The following TRIML1 variants were observed in gnomAD, a reference collection of about 807,000 sequenced individuals.
TRIML1 encodes the protein probable E3 ubiquitin-protein ligase TRIML1.
Under a neutral mutation model 32.3 loss-of-function variants are expected in TRIML1, and 34 were observed. That is an observed-to-expected ratio of 1.05 (90% CI 0.80 to 1.40). The LOEUF (loss-of-function observed/expected upper bound fraction) is 1.40, where lower values mean the gene tolerates loss of function less well. Ranked by LOEUF, TRIML1 falls within the 40% of genes most tolerant of loss-of-function variation. The probability of loss-of-function intolerance (pLI) is 0.00; values close to 1 mark genes in which losing one functional copy is unlikely to be tolerated. For missense variants in TRIML1, 595 were observed against 574.9 expected (o/e 1.03, Z -0.36); for synonymous variants, 244 against 226.6 (o/e 1.08, Z -0.69).
downstream of TRIML1, among the ~76,000 whole-genome samples, chr4:188,149,906 G>A (rs762289975): frequency 2.6e-5 from 4 of 152,120 alleles, no homozygotes; most frequent in Non-Finnish European, 1.5e-5. Context: ...GGGTTCAAAC[G>A]ATTCTCCTGC....
intron 1 of TRIML1, 122 bp downstream of exon 1, chr4:188,140,088 C>A (rs1734796141): frequency 2.0e-6 from 2 of 1,023,898 alleles, no homozygotes; most frequent in Non-Finnish European, 2.8e-6. Flanking sequence ...CACCACATCA[C>A]AAACTGGCGT....
At position 188,142,334 on chromosome 4, in the gene TRIML1, A is replaced by C. The variant is rs1734892647; in HGVS notation, c.587A>C (p.Gln196Pro). 2 of 1,613,370 alleles carry C rather than the reference A, an allele frequency of 1.2e-6. No homozygotes were observed. The highest frequency in any genetic ancestry group is 2.2e-5 in the South Asian group (2 of 91,042). Residue 196 changes from glutamine (Q) to proline (P), a missense_variant, in exon 3 of 6, where the codon CAA becomes CCA. By Grantham distance (76) the Gln-to-Pro change is moderately conservative. Transcript: ENST00000332517. Reference protein sequence around the residue: ...HQFLKEEEQLQLQLLEQEEKE... With the variant: ...HQFLKEEEQLPLQLLEQEEKE... Reference sequence around the variant, plus strand: ...TTCCTGAAGGAAGAGGAGCAGCTGCAACTCCAGCTACTAGAACAGGAAGAG... The same window carrying C: ...TTCCTGAAGGAAGAGGAGCAGCTGCCACTCCAGCTACTAGAACAGGAAGAG...
intron 5 of TRIML1, among the ~76,000 whole-genome samples, chr4:188,145,570 C>A (rs991715959): frequency 1.1e-4 from 17 of 150,694 alleles, no homozygotes; most frequent in Non-Finnish European, 2.4e-4. Flanking sequence ...TGCCTGTAAT[C>A]CCAGCACTTT....
At chr4:188,144,920 C>T (rs1466534728) in intron 5 of TRIML1, among the ~76,000 whole-genome samples, 1 of 152,114 alleles carries the variant, frequency 6.6e-6, no homozygotes, top group Non-Finnish European at 1.5e-5. Context: ...ACAATCTGAC[C>T]TTCAGAGGAA....
chr4:188,150,658 C>A (rs533556577), downstream of TRIML1, among the ~76,000 whole-genome samples: 1 of 151,550 alleles, frequency 6.6e-6, no homozygotes, highest in Non-Finnish European at 1.5e-5. Context: ...CTTCTTTGTC[C>A]CAAAGTGGTA....
chr4:188,138,019 ATGATGCCACCC>A (rs987213963), upstream of TRIML1, among the ~76,000 whole-genome samples: 3 of 150,096 alleles, frequency 2.0e-5, no homozygotes, highest in Admixed American at 6.8e-5. Context: ...TAGAGGTTTC[ATGATGCCACCC>A]TGATGCCACC....
At position 188,147,501 on chromosome 4, in the gene TRIML1, C is replaced by T. The variant is rs528654871; in HGVS notation, c.*129C>T. 3.6e-5 allele frequency: 25 copies of T among 692,298 alleles called. No individual in the cohort carries two copies. The South Asian group carries it at 1.3e-3, about 36-fold the overall frequency. 42.9% of individuals were successfully genotyped at this position (692,298 alleles called of 1,614,324 possible). A position where few individuals can be genotyped will look rare whatever the true frequency, so the allele number is the denominator to read the frequency against. ...AACTCCCGTAACCCCACCCCACCCC[C>T]AAGAGTTTCCATTAACTTGATCCCA... On this transcript the variant is annotated 3_prime_UTR_variant, in exon 6 of 6. Coordinates refer to ENST00000332517, the MANE Select transcript of TRIML1 (RefSeq NM_178556.5).
chr4:188,147,249 C>T lies in TRIML1; in HGVS notation c.1284C>T (p.Leu428=). ...IAFYNGTDES[L]IYSFPQASFQ... ...TCTACAACGGGACGGATGAATCCCT[C>T]ATCTACAGCTTCCCGCAGGCTTCTT... The change falls in exon 6 of 6, where the codon CTC becomes CTT. Residue 428 remains leucine (L), a synonymous_variant. Transcript: ENST00000332517. 1 of 1,600,002 alleles carries T rather than the reference C, an allele frequency of 6.2e-7. No homozygotes were observed.
intron 5 of TRIML1, 56 bp downstream of exon 5, chr4:188,144,189 C>T (rs1308286055): frequency 4.9e-6 from 7 of 1,441,156 alleles, no homozygotes; most frequent in African/African-American, 2.8e-5. Flanking sequence ...CTTCAGCATA[C>T]CTTCTTCCAG....
At position 188,139,929 on chromosome 4, in the gene TRIML1, G is replaced by A; in HGVS notation, c.371G>A (p.Arg124Lys). ...GTAGCCCAGAGCCATGGTGCAAACA[G>A]AGTGCATCTCTCCAGCGAGGCTGAG... ...AFVAQSHGANRVHLSSEAEEH... is the reference protein window; with the variant it reads ...AFVAQSHGANKVHLSSEAEEH... The change falls in exon 1 of 6, where the codon AGA becomes AAA. Residue 124 changes from arginine (R) to lysine (K), a missense_variant. By Grantham distance (26) the Arg-to-Lys change is conservative. Transcript: ENST00000332517. The A allele has an allele frequency of 6.2e-7, 1 of 1,613,268 alleles. No homozygotes were observed.
chr4:188,150,044 T>C (rs1180936211), downstream of TRIML1, among the ~76,000 whole-genome samples: 3 of 152,080 alleles, frequency 2.0e-5, no homozygotes, highest in African/African-American at 4.8e-5. Flanking sequence ...GACCTCCTGA[T>C]CCGCCCACCT....
chr4:188,140,672 G>C (rs771630304), intron 2 of TRIML1, 49 bp downstream of exon 2: 3 of 1,286,076 alleles, frequency 2.3e-6, no homozygotes, highest in Admixed American at 2.0e-5. Flanking sequence ...CCATAAGGGG[G>C]ACTAAAGGGA....
intron 5 of TRIML1, 87 bp from the exon 6 acceptor site, chr4:188,146,735 A>C (rs1010082476): frequency 9.0e-7 from 1 of 1,109,724 alleles, no homozygotes; most frequent in African/African-American, 1.6e-5. Flanking sequence ...ACCAGGACTA[A>C]ATACTAAGAA....
chr4:188,140,701 GAA>G (rs11316189), intron 2 of TRIML1, 78 bp downstream of exon 2: 2 of 936,090 alleles, frequency 2.1e-6, no homozygotes, highest in South Asian at 3.2e-5. Flanking sequence ...GAAATATCAG[GAA>G]AAAAAAAAGA....
downstream of TRIML1, among the ~76,000 whole-genome samples, chr4:188,149,609 AAAG>A (rs1366555530): frequency 6.6e-6 from 1 of 152,094 alleles, no homozygotes; most frequent in Non-Finnish European, 1.5e-5. Context: ...GCAGGGGAGC[AAAG>A]AAGAAACAGG....
chr4:188,145,441 C>CAAAAAAAAAA lies in TRIML1; in HGVS notation c.856+1334_856+1343dup, dbSNP rs869253721. On this transcript the variant is annotated intron_variant, in intron 5 of 5. Coordinates refer to ENST00000332517, the MANE Select transcript of TRIML1 (RefSeq NM_178556.5). ...TGGGCGACAGAGCGAGACTCCGTCT[C>CAAAAAAAAAA]AAAAAAAAAAAAAAAAAAAAAAAAA... 1.8e-3 allele frequency among the ~76,000 whole-genome samples: 62 copies of CAAAAAAAAAA among 34,246 alleles called. 4 individuals carry two copies. Among genetic ancestry groups the CAAAAAAAAAA allele is most frequent in the South Asian group, 3.7e-3 (2 of 542 alleles). The allele number at this position is 34,246 out of a possible 152,430, so 22.5% of individuals were successfully genotyped here.
In TRIML1 at chr4:188,147,675, T is replaced by G. The variant is rs1485987122; in HGVS notation, c.*303T>G. The stretch of plus-strand genomic sequence containing the variant: ...GAGCCCCTATTACCATGAATCCTAC[T>G]GCCATAGGCCAGATTTTATAAATAT... On this transcript the variant is annotated 3_prime_UTR_variant, in exon 6 of 6. Transcript: ENST00000332517. 1 of 279,274 alleles carries G rather than the reference T, an allele frequency of 3.6e-6. No individual in the cohort carries two copies. Among genetic ancestry groups the G allele is most frequent in the Admixed American group, 5.2e-5 (1 of 19,256 alleles). The allele number at this position is 279,274 out of a possible 1,614,324, so 17.3% of individuals were successfully genotyped here.
In TRIML1 at chr4:188,147,295, A is replaced by G. The variant is rs538878235; in HGVS notation, c.1330A>G (p.Ile444Val). 6 of 1,547,620 alleles carry G rather than the reference A, an allele frequency of 3.9e-6. No individual in the cohort carries two copies. The highest frequency in any genetic ancestry group is 2.3e-5 in the East Asian group (1 of 44,210). ...TTCTTTCCAAGAGGCCCTCAGGCCT[A>G]TCTTTTCCCCCTGCCTCCCAAATGA... ...QASFQEALRP[I>V]FSPCLPNEGT... is the part of the protein sequence containing the mutation. The change falls in exon 6 of 6, where the codon ATC becomes GTC. Residue 444 changes from isoleucine to valine, a missense_variant. By Grantham distance (29) the Ile-to-Val change is conservative. Coordinates refer to ENST00000332517, the MANE Select transcript of TRIML1 (RefSeq NM_178556.5).
downstream of TRIML1, among the ~76,000 whole-genome samples, chr4:188,149,830 G>C (rs1735203675): frequency 6.6e-6 from 1 of 152,100 alleles, no homozygotes; most frequent in Admixed American, 6.6e-5. Flanking sequence ...TTGAGATGGA[G>C]TCTGGCTCTC....
Sources: allele counts gnomAD v4.1 joint callset (sites outside exome capture counted in the v4.1 genomes callset), GRCh38; gene constraint gnomAD v4.1.1; transcripts MANE v1.5; gene names NCBI Gene and HGNC (gene_info 2026-07-23, HGNC 2026-07-21).